SHANK2: variants seen among roughly 807,000 people sequenced by gnomAD.
SHANK2 encodes the protein SH3 and multiple ankyrin repeat domains protein 2.
A neutral mutation model predicts 133.7 loss-of-function variants in SHANK2; 43 were observed. The ratio of observed to expected loss-of-function variants is 0.32; its 90% confidence interval spans 0.25 to 0.41. The LOEUF is 0.41. Ranked by LOEUF, SHANK2 falls within the 10% of genes least tolerant of loss-of-function variation. The probability of loss-of-function intolerance (pLI) is 1.00; values close to 1 mark genes in which losing one functional copy is unlikely to be tolerated. For synonymous variants in SHANK2, 1,017 were observed against 952.8 expected, an observed-to-expected ratio of 1.07 and a Z score of -1.24; for missense variants, 1,994 against 2,235.8, an observed-to-expected ratio of 0.89 and a Z score of 2.18.
At chr11:70,599,945 AAGAAAGAAAGAAAGAAAGAAAGAAAG>A (rs1488153153) in intron 17 of SHANK2, among the ~76,000 whole-genome samples, 26 of 120,494 alleles carry the variant, frequency 2.2e-4, no homozygotes, top group African/African-American at 8.7e-4. Flanking sequence ...GAAAGAAAGA[AAGAAAGAAAGAAAGAAAGAAAGAAAG>A]AAAATGTATC....
chr11:70,796,284 C>G (rs544988690), intron 14 of SHANK2, among the ~76,000 whole-genome samples: 5 of 152,318 alleles, frequency 3.3e-5, no homozygotes, highest in Non-Finnish European at 5.9e-5. Flanking sequence ...CTCCTGCACA[C>G]TATCCTGGAA....
At chr11:70,531,805 G>GC (rs2059476802) in intron 17 of SHANK2, among the ~76,000 whole-genome samples, 1 of 152,112 alleles carries the variant, frequency 6.6e-6, no homozygotes, top group African/African-American at 2.4e-5. Flanking sequence ...TTGCTGGCTG[G>GC]CCCCCCACTG....
chr11:71,066,150 G>GA, intron 9 of SHANK2, among the ~76,000 whole-genome samples: 1 of 129,004 alleles, frequency 7.8e-6, no homozygotes, highest in African/African-American at 3.0e-5. Flanking sequence ...AAGTTGGGTG[G>GA]GGGGGGTGCA....
intron 9 of SHANK2, among the ~76,000 whole-genome samples, chr11:71,070,559 C>T (rs1357925457): frequency 1.3e-5 from 2 of 151,944 alleles, no homozygotes; most frequent in African/African-American, 4.8e-5. Flanking sequence ...CAGGAGAAGC[C>T]ACTCAATCCT....
chr11:70,529,448 C>T (rs1452598330), intron 17 of SHANK2, among the ~76,000 whole-genome samples: 2 of 152,194 alleles, frequency 1.3e-5, no homozygotes, highest in South Asian at 2.1e-4. Context: ...CACAAGGTGC[C>T]GTGGGATGCA....
At chr11:71,092,291 C>T (rs2135110973) in intron 8 of SHANK2, 131 bp downstream of exon 8, 2 of 905,490 alleles carry the variant, frequency 2.2e-6, no homozygotes, top group East Asian at 2.7e-5. Context: ...TTTTCAGGAA[C>T]TCTGGGCAGG....
chr11:70,550,107 C>T (rs538167261), intron 17 of SHANK2, among the ~76,000 whole-genome samples: 1 of 152,316 alleles, frequency 6.6e-6, no homozygotes, highest in East Asian at 1.9e-4. Flanking sequence ...GCCAGGCTCC[C>T]CTCTTCCTAC....
intron 7 of SHANK2, among the ~76,000 whole-genome samples, chr11:71,093,845 C>A (rs1234907253): frequency 6.6e-6 from 1 of 152,222 alleles, no homozygotes; most frequent in East Asian, 1.9e-4. Context: ...GACAGCGAGG[C>A]CCCCGTCTTG....
At chr11:71,141,938 A>C (rs145480595) in intron 3 of SHANK2, among the ~76,000 whole-genome samples, 9 of 151,936 alleles carry the variant, frequency 5.9e-5, no homozygotes, top group Non-Finnish European at 1.0e-4. Flanking sequence ...CACAGCAAGA[A>C]AGACGGCATG....
intron 10 of SHANK2, among the ~76,000 whole-genome samples, chr11:70,904,516 T>C (rs1363992653): frequency 6.6e-6 from 1 of 150,824 alleles, no homozygotes; most frequent in Non-Finnish European, 1.5e-5. Flanking sequence ...ATGGGTTTTT[T>C]TTTTTTTTTT....
At chr11:70,839,350 T>G (rs1214932298) in intron 11 of SHANK2, among the ~76,000 whole-genome samples, 3 of 152,214 alleles carry the variant, frequency 2.0e-5, no homozygotes, top group Non-Finnish European at 2.9e-5. Flanking sequence ...TCTGGGCCAG[T>G]GGCCCTCCCC....
intron 17 of SHANK2, among the ~76,000 whole-genome samples, chr11:70,540,074 C>T (rs2136022020): frequency 6.6e-6 from 1 of 152,302 alleles, no homozygotes; most frequent in South Asian, 2.1e-4. Flanking sequence ...CAGGGGCTGC[C>T]CTACCCTTGT....
At chr11:70,599,971 G>GAAAGAAAGAAAGAAAGAA (rs782190120) in intron 17 of SHANK2, among the ~76,000 whole-genome samples, 64 of 105,012 alleles carry the variant, frequency 6.1e-4, no homozygotes, top group African/African-American at 1.3e-3. Context: ...AAGAAAGAAA[G>GAAAGAAAGAAAGAAAGAA]AAAATGTATC....
At chr11:71,212,209 T>C (rs1049737965) in intron 2 of SHANK2, among the ~76,000 whole-genome samples, 1 of 152,178 alleles carries the variant, frequency 6.6e-6, no homozygotes, top group African/African-American at 2.4e-5. Flanking sequence ...ACTGTACAAA[T>C]GCTCTCTTAT....
chr11:70,874,167 T>G (rs1479774790), intron 11 of SHANK2, among the ~76,000 whole-genome samples: 1 of 152,128 alleles, frequency 6.6e-6, no homozygotes, highest in Non-Finnish European at 1.5e-5. Context: ...ATCTAATCTA[T>G]CTACCTACCT....
intron 11 of SHANK2, among the ~76,000 whole-genome samples, chr11:70,846,685 C>T (rs185363108): frequency 4.6e-5 from 7 of 152,336 alleles, no homozygotes; most frequent in East Asian, 1.9e-4. Flanking sequence ...CAGAAGGCAG[C>T]GTCATCATCC....
chr11:71,067,293 C>G (rs1951077309), intron 9 of SHANK2, among the ~76,000 whole-genome samples: 2 of 152,198 alleles, frequency 1.3e-5, no homozygotes, highest in South Asian at 4.1e-4. Context: ...GTGCTGGTAT[C>G]AAAGACAGGC....
intron 10 of SHANK2, among the ~76,000 whole-genome samples, chr11:70,926,726 T>C (rs782557293): frequency 1.3e-5 from 2 of 152,230 alleles, no homozygotes; most frequent in Non-Finnish European, 2.9e-5. Context: ...CAGCCTCAGC[T>C]GGGCACCTGC....
chr11:71,099,031 C>T (rs184653017), intron 6 of SHANK2, among the ~76,000 whole-genome samples: 2 of 152,202 alleles, frequency 1.3e-5, no homozygotes, highest in Admixed American at 1.3e-4. Context: ...ATGAGAAAGG[C>T]TCTGTGCTCT....
Sources: gnomAD v4.1 joint callset for allele counts (sites outside exome capture counted in the v4.1 genomes callset) on GRCh38, gnomAD v4.1.1 for gene constraint, MANE v1.5 for transcripts, NCBI Gene and HGNC (gene_info 2026-07-23, HGNC 2026-07-21) for gene names.